The following CSNK1A1 variants were observed in gnomAD, a reference collection of about 807,000 sequenced individuals.
The protein encoded by CSNK1A1 is casein kinase 1 alpha 1, also known as casein kinase I isoform alpha.
CSNK1A1 carries 7 observed loss-of-function variants against 46.1 expected under a neutral mutation model. That is an observed-to-expected ratio of 0.15 (90% CI 0.09 to 0.29). The LOEUF (loss-of-function observed/expected upper bound fraction) is 0.29, where lower values mean the gene tolerates loss of function less well. Among genes scored for constraint, CSNK1A1 ranks in the 10% least tolerant of loss-of-function variants. The pLI is 1.00. For synonymous variants in CSNK1A1, 137 were observed against 141.5 expected (o/e 0.97, Z 0.23); for missense variants, 96 against 417.1 (o/e 0.23, Z 6.71).
intron 2 of CSNK1A1, chr5:149,549,203 A>AT (rs1003649708): frequency 9.6e-6 from 4 of 415,692 alleles, no homozygotes; most frequent in South Asian, 4.8e-5. Flanking sequence ...AGTGATTAAG[A>AT]TTTTTTTAAA....
At chr5:149,549,322 CGAAAA>C (rs1457616628) in intron 2 of CSNK1A1, 2 of 599,868 alleles carry the variant, frequency 3.3e-6, no homozygotes, top group Non-Finnish European at 6.2e-6. Context: ...TGACCATTCA[CGAAAA>C]GAAAGAGTAA....
rs1317854105 is a variant in CSNK1A1, at chr5:149,511,774, A to C, written c.675+20T>G. ...TCTAAAAAAGAGAGAGAAAAATCTG[A>C]TAATGTGAGTCTGGTTTACCTTTAG... On this transcript the variant is annotated intron_variant, in intron 6 of 9. Transcript: ENST00000377843. 6.6e-7 allele frequency: 1 copy of C among 1,519,556 alleles called. No homozygotes were observed. The highest frequency in any genetic ancestry group is 9.0e-7 in the Non-Finnish European group (1 of 1,107,578). The allele number at this position is 1,519,556 out of a possible 1,614,324, so 94.1% of individuals were successfully genotyped here.
At chr5:149,534,834 G>A (rs1373597254) in intron 2 of CSNK1A1, among the ~76,000 whole-genome samples, 1 of 150,982 alleles carries the variant, frequency 6.6e-6, no homozygotes, top group Non-Finnish European at 1.5e-5. Flanking sequence ...TGAGGCAGGA[G>A]GATCACTTGA....
intron 2 of CSNK1A1, among the ~76,000 whole-genome samples, chr5:149,532,667 G>A (rs1329844747): frequency 6.6e-6 from 1 of 152,030 alleles, no homozygotes; most frequent in African/African-American, 2.4e-5. Flanking sequence ...CCAGCCTGGC[G>A]GTAAGAGCAA....
chr5:149,549,372 A>G (rs1762586438), intron 2 of CSNK1A1: 2 of 671,886 alleles, frequency 3.0e-6, no homozygotes, highest in South Asian at 1.5e-5. Context: ...AGGATTTTAC[A>G]TAGTGTAATT....
intron 2 of CSNK1A1, among the ~76,000 whole-genome samples, chr5:149,544,163 A>C (rs1398804639): frequency 6.6e-6 from 1 of 152,208 alleles, no homozygotes; most frequent in Non-Finnish European, 1.5e-5. Context: ...CTGGCAAAAG[A>C]AGGGTAGGCA....
At chr5:149,522,161 G>A (rs1225711284) in intron 3 of CSNK1A1, among the ~76,000 whole-genome samples, 1 of 152,030 alleles carries the variant, frequency 6.6e-6, no homozygotes, top group Non-Finnish European at 1.5e-5. Context: ...TGGCTGGGGT[G>A]CAGTGACGAG....
rs768735776 is a variant in CSNK1A1 at position 149,550,863 on chromosome 5, C to T, written c.102G>A (p.Ala34=). ...GSGSFGDIYL[A]INITNGEEVA... Reference sequence around the variant, plus strand: ...TTACCTCGCCGTTGGTGATGTTGATCGCCAAATAGATGTCCCCGAAGGAGC... The same window carrying T: ...TTACCTCGCCGTTGGTGATGTTGATTGCCAAATAGATGTCCCCGAAGGAGC... The change falls in exon 1 of 10, where the codon GCG becomes GCA. Residue 34 remains alanine (A), a synonymous_variant. Coordinates refer to ENST00000377843, the MANE Select transcript of CSNK1A1 (RefSeq NM_001892.6). The surrounding 1 kb of genome is among the most constrained non-coding windows in gnomAD (Gnocchi z 4.3). The T allele has an allele frequency of 1.2e-6, 2 of 1,614,042 alleles. No individual in the cohort carries two copies. The highest frequency in any genetic ancestry group is 1.7e-5 in the Admixed American group (1 of 60,012).
chr5:149,541,970 CAAAAAAAAAAA>C (rs1171466150), intron 2 of CSNK1A1, among the ~76,000 whole-genome samples: 1 of 40,040 alleles, frequency 2.5e-5, no homozygotes, highest in Non-Finnish European at 4.9e-5. Flanking sequence ...GACTGCATCT[CAAAAAAAAAAA>C]AAAAAAAAAA....
chr5:149,515,274 T>C (rs1162680325), intron 4 of CSNK1A1, among the ~76,000 whole-genome samples: 3 of 152,376 alleles, frequency 2.0e-5, no homozygotes, highest in African/African-American at 7.2e-5. Context: ...GGAAGAGCTC[T>C]GACATGAGTA....
chr5:149,528,141 T>C (rs2113134403), intron 2 of CSNK1A1, among the ~76,000 whole-genome samples: 1 of 152,290 alleles, frequency 6.6e-6, no homozygotes, highest in Non-Finnish European at 1.5e-5. Context: ...ATTAGATGAA[T>C]TGAGAAGCAC....
At chr5:149,500,210 T>G (rs1402918900) in intron 9 of CSNK1A1, among the ~76,000 whole-genome samples, 1 of 123,582 alleles carries the variant, frequency 8.1e-6, no homozygotes, top group Non-Finnish European at 1.7e-5. Context: ...CGATCTTGGC[T>G]CACTGCAAGC....
At chr5:149,540,903 C>A (rs1369458713) in intron 2 of CSNK1A1, among the ~76,000 whole-genome samples, 5 of 151,662 alleles carry the variant, frequency 3.3e-5, no homozygotes, top group African/African-American at 9.7e-5. Flanking sequence ...TACGGTGAAA[C>A]CCCATTTCTA....
intron 4 of CSNK1A1, among the ~76,000 whole-genome samples, chr5:149,514,610 G>T (rs1283565289): frequency 2.6e-5 from 4 of 152,094 alleles, no homozygotes; most frequent in African/African-American, 9.7e-5. Flanking sequence ...TTTGTGATGT[G>T]CTGGGAAACT....
intron 6 of CSNK1A1, among the ~76,000 whole-genome samples, chr5:149,511,403 T>C (rs1217681772): frequency 1.4e-5 from 2 of 140,592 alleles, no homozygotes; most frequent in Non-Finnish European, 3.0e-5. Context: ...TCCTAGCTAA[T>C]AGAAACAAAA....
At chr5:149,534,044 A>G (rs950073922) in intron 2 of CSNK1A1, among the ~76,000 whole-genome samples, 1 of 152,260 alleles carries the variant, frequency 6.6e-6, no homozygotes. Flanking sequence ...ACTAAGAAAC[A>G]AACTGTACAG....
chr5:149,542,423 A>G (rs1006203266), intron 2 of CSNK1A1, among the ~76,000 whole-genome samples: 25 of 148,556 alleles, frequency 1.7e-4, no homozygotes, highest in African/African-American at 6.2e-4. Context: ...TCATCTCAAA[A>G]TCATTCCCAC....
chr5:149,512,974 A>C lies in CSNK1A1; in HGVS notation c.596+96T>G, dbSNP rs546978022. ...GCATCCTTCAAATCCTCAGCCAAGAAACATCCTTAGACATTGTAAGAAACT... is the reference window on the plus strand; with the variant it reads ...GCATCCTTCAAATCCTCAGCCAAGACACATCCTTAGACATTGTAAGAAACT... On this transcript the variant is annotated intron_variant, in intron 5 of 9. Coordinates refer to ENST00000377843, the MANE Select transcript of CSNK1A1 (RefSeq NM_001892.6). 3 of 1,413,460 alleles carry C rather than the reference A, an allele frequency of 2.1e-6. No individual in the cohort carries two copies. The African/African-American group carries it at 4.3e-5, about 20-fold the overall frequency. 87.6% of individuals were successfully genotyped at this position (1,413,460 alleles called of 1,614,324 possible). A position where few individuals can be genotyped will look rare whatever the true frequency, so the allele number is the denominator to read the frequency against.
At chr5:149,506,599 C>A (rs114490209) in intron 8 of CSNK1A1, among the ~76,000 whole-genome samples, 14 of 152,120 alleles carry the variant, frequency 9.2e-5, no homozygotes, top group Non-Finnish European at 2.1e-4. Flanking sequence ...TCTATTCCCC[C>A]CCCTTTTTCA....
Sources: allele counts gnomAD v4.1 joint callset (sites outside exome capture counted in the v4.1 genomes callset), GRCh38; gene constraint gnomAD v4.1.1; non-coding constraint Gnocchi (gnomAD v3.1); transcripts MANE v1.5; gene names NCBI Gene and HGNC (gene_info 2026-07-23, HGNC 2026-07-21).